Variants in PTPRD observed in about 807,000 individuals in gnomAD.
PTPRD encodes protein tyrosine phosphatase receptor type D.
PTPRD carries 34 observed loss-of-function variants against 214.5 expected under a neutral mutation model. The ratio of observed to expected loss-of-function variants is 0.16; its 90% CI spans 0.12 to 0.21. The LOEUF (loss-of-function observed/expected upper bound fraction) is 0.21, where lower values mean the gene tolerates loss of function less well. PTPRD is among the 10% of genes least tolerant of loss of function. The pLI, the probability that PTPRD is intolerant of heterozygous loss-of-function variation, is 1.00. For missense variants in PTPRD, 2,545 were observed against 2,398.7 expected, an observed-to-expected ratio of 1.06 and a Z score of -1.27; for synonymous variants, 1,128 against 845.7, an observed-to-expected ratio of 1.33 and a Z score of -5.79.
chr9:8,549,617 A>C (rs1177669176), intron 14 of PTPRD, among the ~76,000 whole-genome samples: 1 of 152,216 alleles, frequency 6.6e-6, no homozygotes, highest in Non-Finnish European at 1.5e-5. Flanking sequence ...ATATGTGTGA[A>C]TATTTGCCTT....
rs568551922 is a variant in PTPRD, at chr9:9,384,267, T to C, written c.-203+13182A>G. On this transcript the variant is annotated intron_variant, in intron 9 of 45. Coordinates refer to ENST00000381196, the MANE Select transcript of PTPRD (RefSeq NM_002839.4). ...ATTTTCGGTGTACCATGTTGTGTAT[T>C]GTAAAATTTTGTGTGCAGTTTACGT... 1.2e-3 allele frequency among the ~76,000 whole-genome samples: 177 copies of C among 150,112 alleles called. 1 individual carries two copies. The highest frequency in any genetic ancestry group is 6.5e-3 in the South Asian group (31 of 4,768).
chr9:10,046,923 A>G (rs1241651761), intron 3 of PTPRD, among the ~76,000 whole-genome samples: 1 of 152,034 alleles, frequency 6.6e-6, no homozygotes, highest in East Asian at 1.9e-4. Context: ...GTGAACAACA[A>G]TTACAGACAT....
chr9:8,486,515 C>A, intron 27 of PTPRD, 166 bp from the exon 28 acceptor site: 1 of 738,158 alleles, frequency 1.4e-6, no homozygotes, highest in Non-Finnish European at 2.5e-6. Context: ...GAAATATGCT[C>A]CTTGTCTTAC....
chr9:8,643,476 C>A (rs1381294700), intron 12 of PTPRD, among the ~76,000 whole-genome samples: 1 of 152,198 alleles, frequency 6.6e-6, no homozygotes, highest in East Asian at 1.9e-4. Context: ...GTGAACCCCT[C>A]ATGATGGCAG....
chr9:8,922,045 T>C (rs895503149), intron 11 of PTPRD, among the ~76,000 whole-genome samples: 1 of 148,680 alleles, frequency 6.7e-6, no homozygotes, highest in African/African-American at 2.4e-5. Flanking sequence ...GAGAAGGGAT[T>C]AGTGGTTAAC....
At chr9:10,246,168 A>G (rs181543061) in intron 3 of PTPRD, among the ~76,000 whole-genome samples, 1 of 152,236 alleles carries the variant, frequency 6.6e-6, no homozygotes, top group Admixed American at 6.5e-5. Flanking sequence ...AAGCTTTGGA[A>G]ATGTATTTAA....
At chr9:10,223,206 C>T (rs140505171) in intron 3 of PTPRD, among the ~76,000 whole-genome samples, 9 of 151,824 alleles carry the variant, frequency 5.9e-5, no homozygotes, top group Middle Eastern at 3.4e-3. Context: ...TTCTCTTACC[C>T]TCTCCCCCTT....
At position 9,872,700 on chromosome 9, in the gene PTPRD, C is replaced by A. The variant is rs538342464; in HGVS notation, c.-368+65807G>T. Among the ~76,000 whole-genome samples, 10 of 152,154 alleles carry A rather than the reference C, an allele frequency of 6.6e-5. 1 individual carries two copies. In the South Asian group the frequency reaches 2.1e-3, roughly 32 times the overall value. On this transcript the variant is annotated intron_variant, in intron 5 of 45. Transcript: ENST00000381196. ...AAGGACATAGCACAGTGCCTGGTAC[C>A]TTGAATGTATACATTAAATGCTAGA...
intron 7 of PTPRD, among the ~76,000 whole-genome samples, chr9:9,669,000 T>C (rs76514007): frequency 9.2e-5 from 14 of 152,202 alleles, no homozygotes; most frequent in Non-Finnish European, 1.8e-4. Flanking sequence ...AGTAAATTAA[T>C]AGCAGATTGT....
chr9:9,487,795 C>T (rs938614408), intron 8 of PTPRD, among the ~76,000 whole-genome samples: 1 of 152,106 alleles, frequency 6.6e-6, no homozygotes, highest in Non-Finnish European at 1.5e-5. Flanking sequence ...GACAGAAGGA[C>T]TTTCTGCTTC....
At chr9:9,451,822 G>T (rs1302817208) in intron 8 of PTPRD, among the ~76,000 whole-genome samples, 3 of 151,160 alleles carry the variant, frequency 2.0e-5, no homozygotes, top group South Asian at 4.2e-4. Flanking sequence ...TAGAAGAATG[G>T]GTTGAATTTG....
At chr9:9,546,804 G>A (rs1036040420) in intron 8 of PTPRD, among the ~76,000 whole-genome samples, 23 of 151,706 alleles carry the variant, frequency 1.5e-4, no homozygotes, top group African/African-American at 5.6e-4. Flanking sequence ...TAAATCTTGA[G>A]AGTCATATAA....
intron 5 of PTPRD, among the ~76,000 whole-genome samples, chr9:9,800,944 T>C (rs186540696): frequency 1.4e-4 from 21 of 152,288 alleles, no homozygotes; most frequent in Admixed American, 1.1e-3. Context: ...AGTTGAGCTT[T>C]TTGACAACTG....
At chr9:10,555,518 C>A (rs2062350604) in intron 2 of PTPRD, among the ~76,000 whole-genome samples, 1 of 152,068 alleles carries the variant, frequency 6.6e-6, no homozygotes, top group Non-Finnish European at 1.5e-5. Flanking sequence ...TTTTTGCAGC[C>A]CTAGCATGCC....
chr9:9,011,226 A>C (rs2099510559), intron 11 of PTPRD, among the ~76,000 whole-genome samples: 1 of 152,070 alleles, frequency 6.6e-6, no homozygotes, highest in South Asian at 2.1e-4. Context: ...CTCCTCATTT[A>C]CATGGTCTCA....
chr9:9,976,211 C>T (rs531076372), intron 4 of PTPRD, among the ~76,000 whole-genome samples: 54 of 151,948 alleles, frequency 3.6e-4, no homozygotes, highest in Admixed American at 1.4e-3. Context: ...CTTTCTTTTC[C>T]AACTTGTCTT....
Position 9,119,536 on chromosome 9 carries a change from A to ATT in PTPRD, c.-143+63766_-143+63767dup, listed in dbSNP as rs202149992. ...GATGACTACCAATTCAGATTCTGTG[A>ATT]TTTTTTTTTTTTTTAAGAAGTCTCA... On this transcript the variant is annotated intron_variant, in intron 10 of 45. Transcript: ENST00000381196. Among the ~76,000 whole-genome samples the ATT allele has an allele frequency of 3.5e-3, 506 of 145,948 alleles. 2 individuals are homozygous for ATT. The highest frequency in any genetic ancestry group is 0.012 in the African/African-American group (473 of 40,124).
In PTPRD at chr9:9,617,929, G is replaced by A. The variant is rs1024023210; in HGVS notation, c.-286-43148C>T. The stretch of plus-strand genomic sequence containing the variant: ...CTACTAAAAATACAAAAAATTAGCC[G>A]GGCATGGTGGCGGGCGCCTGCGGTC... On this transcript the variant is annotated intron_variant, in intron 7 of 45. Coordinates refer to ENST00000381196, the MANE Select transcript of PTPRD (RefSeq NM_002839.4). 3.1e-4 allele frequency among the ~76,000 whole-genome samples: 47 copies of A among 151,314 alleles called. No individual in the cohort carries two copies. The Middle Eastern group carries it at 0.01, about 33-fold the overall frequency.
intron 4 of PTPRD, among the ~76,000 whole-genome samples, chr9:9,955,626 C>G (rs559884499): frequency 2.0e-5 from 3 of 151,770 alleles, no homozygotes; most frequent in Non-Finnish European, 2.9e-5. Flanking sequence ...CAGGTTCACG[C>G]CATTCTCCTG....
Sources: allele counts gnomAD v4.1 joint callset (sites outside exome capture counted in the v4.1 genomes callset), GRCh38; gene constraint gnomAD v4.1.1; transcripts MANE v1.5; gene names NCBI Gene and HGNC (gene_info 2026-07-23, HGNC 2026-07-21).